The following SUMF1 variants were observed in gnomAD, a reference collection of about 807,000 sequenced individuals.
SUMF1 encodes the protein sulfatase modifying factor 1.
A neutral mutation model predicts 47.6 loss-of-function variants in SUMF1; 48 were observed. The ratio of observed to expected loss-of-function variants is 1.01; its 90% CI spans 0.80 to 1.28. The LOEUF (loss-of-function observed/expected upper bound fraction) is 1.28. Ranked by LOEUF, SUMF1 falls within the 50% of genes most tolerant of loss-of-function variation. SUMF1 has a pLI of 0.00. For missense variants in SUMF1, 571 were observed against 485.4 expected (o/e 1.18, Z -1.66); for synonymous variants, 230 against 192.1 (o/e 1.20, Z -1.63).
chr3:4,287,779 C>A (rs529444106), intron 8 of SUMF1, among the ~76,000 whole-genome samples: 7 of 152,210 alleles, frequency 4.6e-5, no homozygotes, highest in African/African-American at 1.7e-4. Flanking sequence ...GAATATAGTG[C>A]TTTTCCTTGT....
chr3:4,180,512 G>A (rs1276189000), intron 8 of SUMF1, among the ~76,000 whole-genome samples: 1 of 151,980 alleles, frequency 6.6e-6, no homozygotes, highest in African/African-American at 2.4e-5. Flanking sequence ...TTGGACACAG[G>A]GCGAGGAACA....
At position 4,343,791 on chromosome 3, in the gene SUMF1, T is replaced by C. The variant is rs79584776; in HGVS notation, c.1014+32539A>G. ...TAACCATATGTTTTGATGCAGCAGC[T>C]AGACTCCCAGGAATTTATCTCACAG... On this transcript the variant is annotated intron_variant and NMD_transcript_variant, in intron 8 of 12. Coordinates refer to the SUMF1 transcript ENST00000448413. 7.2e-5 allele frequency among the ~76,000 whole-genome samples: 11 copies of C among 152,358 alleles called. No homozygotes were observed. In the East Asian group the frequency reaches 2.1e-3, roughly 29 times the overall value.
chr3:4,058,571 A>G (rs1306779956), intron 9 of SUMF1, among the ~76,000 whole-genome samples: 3 of 152,158 alleles, frequency 2.0e-5, no homozygotes, highest in Non-Finnish European at 4.4e-5. Flanking sequence ...GAGTAAGAGG[A>G]AAATGAAGTA....
chr3:4,405,580 A>AT (rs1351493672), intron 7 of SUMF1, among the ~76,000 whole-genome samples: 1 of 151,858 alleles, frequency 6.6e-6, no homozygotes, highest in Admixed American at 6.6e-5. Flanking sequence ...TAAAGATGAG[A>AT]TTTTGCCATG....
At chr3:4,390,051 C>A (rs902555517) in intron 7 of SUMF1, among the ~76,000 whole-genome samples, 2 of 152,184 alleles carry the variant, frequency 1.3e-5, no homozygotes, top group Non-Finnish European at 2.9e-5. Flanking sequence ...TGGACATGTT[C>A]TTATTATGTT....
intron 1 of SUMF1, among the ~76,000 whole-genome samples, chr3:4,463,931 C>G (rs1246341945): frequency 1.4e-4 from 21 of 152,154 alleles, no homozygotes; most frequent in Admixed American, 1.4e-3. Context: ...TTTTAAACAT[C>G]TATATTGTTT....
intron 8 of SUMF1, among the ~76,000 whole-genome samples, chr3:4,105,103 G>A (rs1031020621): frequency 6.6e-6 from 1 of 152,144 alleles, no homozygotes; most frequent in African/African-American, 2.4e-5. Context: ...GAACCTGGAG[G>A]ACATGATAAG....
chr3:4,073,261 G>A (rs899023724), intron 8 of SUMF1, among the ~76,000 whole-genome samples: 12 of 152,112 alleles, frequency 7.9e-5, no homozygotes, highest in African/African-American at 2.9e-4. Context: ...GGAGAAATAA[G>A]ATCCTTTACA....
At chr3:4,275,171 G>T (rs1275018425) in intron 8 of SUMF1, among the ~76,000 whole-genome samples, 1 of 152,126 alleles carries the variant, frequency 6.6e-6, no homozygotes, top group East Asian at 1.9e-4. Context: ...ATTAGAAAAA[G>T]ACCTGATCGT....
chr3:4,221,291 CAT>C (rs1282494895), intron 8 of SUMF1, among the ~76,000 whole-genome samples: 4 of 152,072 alleles, frequency 2.6e-5, no homozygotes, highest in Admixed American at 1.3e-4. Flanking sequence ...TAGTTAGAGA[CAT>C]GTGGACACTG....
intron 7 of SUMF1, among the ~76,000 whole-genome samples, chr3:4,379,060 A>C (rs1700416844): frequency 6.6e-6 from 1 of 152,246 alleles, no homozygotes; most frequent in Non-Finnish European, 1.5e-5. Flanking sequence ...TCCTCAATTT[A>C]GGTGACTGCT....
chr3:4,186,688 G>T (rs1574961740), intron 8 of SUMF1, among the ~76,000 whole-genome samples: 1 of 152,062 alleles, frequency 6.6e-6, no homozygotes. Flanking sequence ...ATTTTGGCTT[G>T]CATACTAACT....
chr3:4,394,555 A>C (rs904217618), intron 7 of SUMF1, among the ~76,000 whole-genome samples: 1 of 152,166 alleles, frequency 6.6e-6, no homozygotes, highest in Non-Finnish European at 1.5e-5. Context: ...GATAACTGTT[A>C]ATGTCCCAGC....
At chr3:4,217,675 T>C (rs1695964840) in intron 8 of SUMF1, among the ~76,000 whole-genome samples, 1 of 145,164 alleles carries the variant, frequency 6.9e-6, no homozygotes, top group Non-Finnish European at 1.5e-5. Flanking sequence ...CTTTTGGGTT[T>C]CAGCATGTGT....
chr3:4,203,439 AC>A (rs1219323639), intron 8 of SUMF1, among the ~76,000 whole-genome samples: 1 of 152,068 alleles, frequency 6.6e-6, no homozygotes, highest in South Asian at 2.1e-4. Context: ...CATGGAACAT[AC>A]TTTTCCATCC....
chr3:4,278,988 T>C (rs1226114411), intron 8 of SUMF1, among the ~76,000 whole-genome samples: 1 of 152,168 alleles, frequency 6.6e-6, no homozygotes, highest in Non-Finnish European at 1.5e-5. Context: ...TTTGTATGCA[T>C]TTCTAATTTT....
At chr3:4,171,094 A>G (rs1363806164) in intron 8 of SUMF1, among the ~76,000 whole-genome samples, 1 of 152,236 alleles carries the variant, frequency 6.6e-6, no homozygotes, top group Non-Finnish European at 1.5e-5. Flanking sequence ...GTTAAAAAGA[A>G]TTATTCGATG....
intron 8 of SUMF1, among the ~76,000 whole-genome samples, chr3:4,159,273 A>ATTT (rs60482121): frequency 7.0e-6 from 1 of 143,260 alleles, no homozygotes; most frequent in Non-Finnish European, 1.5e-5. Flanking sequence ...CTCTGGTGGT[A>ATTT]TTTTTTTTTT....
At position 4,192,916 on chromosome 3, in the gene SUMF1, G is replaced by A. The variant is rs1695351249; in HGVS notation, c.1015-124171C>T. 2.0e-5 allele frequency among the ~76,000 whole-genome samples: 3 copies of A among 152,238 alleles called. No individual in the cohort carries two copies. In the South Asian group the frequency reaches 6.2e-4, roughly 32 times the overall value. On this transcript the variant is annotated intron_variant and NMD_transcript_variant, in intron 8 of 12. Coordinates refer to the SUMF1 transcript ENST00000448413. ...ATGATGGGCCCTGCTTCCAAAAGGA[G>A]AGTCTGACATGTAAGAACAATGTCT...
Sources: gnomAD v4.1 joint callset for allele counts (sites outside exome capture counted in the v4.1 genomes callset) on GRCh38, gnomAD v4.1.1 for gene constraint, MANE v1.5 for transcripts, NCBI Gene and HGNC (gene_info 2026-07-23, HGNC 2026-07-21) for gene names.